MAD1L1: variants seen among roughly 807,000 people sequenced by gnomAD.
MAD1L1 encodes mitotic spindle assembly checkpoint protein MAD1.
Under a neutral mutation model 96.9 loss-of-function variants are expected in MAD1L1, and 95 were observed. The ratio of observed to expected loss-of-function variants is 0.98; its 90% CI spans 0.83 to 1.16. The LOEUF (loss-of-function observed/expected upper bound fraction) is 1.16, where lower values mean the gene tolerates loss of function less well. Ranked by LOEUF, MAD1L1 falls within the 50% of genes most tolerant of loss-of-function variation. The pLI is 0.00. For synonymous variants in MAD1L1, 473 were observed against 396.6 expected, an observed-to-expected ratio of 1.19 and a Z score of -2.29; for missense variants, 1,007 against 954.4, an observed-to-expected ratio of 1.06 and a Z score of -0.73.
chr7:1,894,260 G>A (rs1258132220), intron 18 of MAD1L1, among the ~76,000 whole-genome samples: 4 of 152,226 alleles, frequency 2.6e-5, no homozygotes, highest in Non-Finnish European at 4.4e-5. Context: ...GGAGGCCAAC[G>A]GCCTCACCCA....
chr7:2,225,372 G>A (rs770039205), intron 4 of MAD1L1, 38 bp downstream of exon 4: 11 of 1,610,806 alleles, frequency 6.8e-6, no homozygotes, highest in Non-Finnish European at 8.5e-6. Flanking sequence ...TTGCTTCCTG[G>A]GGCTGTCTGG....
At chr7:1,868,904 C>T (rs1043210944) in intron 18 of MAD1L1, among the ~76,000 whole-genome samples, 2 of 152,338 alleles carry the variant, frequency 1.3e-5, no homozygotes, top group African/African-American at 2.4e-5. Flanking sequence ...CTTCCCCACA[C>T]GGACGAAGCT....
intron 10 of MAD1L1, among the ~76,000 whole-genome samples, chr7:2,162,438 A>G (rs1363883567): frequency 6.6e-6 from 1 of 152,210 alleles, no homozygotes; most frequent in Non-Finnish European, 1.5e-5. Context: ...GTACCCAGGG[A>G]CACAAACACT....
chr7:2,112,022 C>T (rs1787408046), intron 11 of MAD1L1, among the ~76,000 whole-genome samples: 1 of 152,202 alleles, frequency 6.6e-6, no homozygotes, highest in South Asian at 2.1e-4. Context: ...AACCAGTGAA[C>T]GAATAAACAA....
intron 12 of MAD1L1, among the ~76,000 whole-genome samples, chr7:2,037,993 C>T (rs1160872427): frequency 1.3e-5 from 2 of 152,176 alleles, no homozygotes; most frequent in African/African-American, 4.8e-5. Context: ...AACAGCTCGC[C>T]AAGTTGTGAA....
At chr7:2,133,864 T>C (rs945134814) in intron 11 of MAD1L1, among the ~76,000 whole-genome samples, 2 of 152,220 alleles carry the variant, frequency 1.3e-5, no homozygotes, top group African/African-American at 4.8e-5. Flanking sequence ...TGGGTCTATC[T>C]CGTGGCTCTC....
chr7:1,975,139 T>C (rs1403686048), intron 15 of MAD1L1, among the ~76,000 whole-genome samples: 1 of 152,210 alleles, frequency 6.6e-6, no homozygotes, highest in African/African-American at 2.4e-5. Flanking sequence ...CTTCACCCTG[T>C]TGACCTGGCT....
At position 2,125,724 on chromosome 7, in the gene MAD1L1, G is replaced by T. The variant is rs116270107; in HGVS notation, c.1073+23428C>A. 8.9e-3 allele frequency among the ~76,000 whole-genome samples: 1,362 copies of T among 152,340 alleles called. 23 individuals carry two copies. Among genetic ancestry groups the T allele is most frequent in the African/African-American group, 0.031 (1,277 of 41,582 alleles). The stretch of plus-strand genomic sequence containing the variant: ...AAGCAGCACGAGTGCTCCAGAAACT[G>T]CAGCTCAGACTGAGCTCCCACCTCC... On this transcript the variant is annotated intron_variant, in intron 11 of 18. Coordinates refer to ENST00000265854, the MANE Select transcript of MAD1L1 (RefSeq NM_001013836.2).
At chr7:2,028,618 A>T (rs1190733519) in intron 12 of MAD1L1, among the ~76,000 whole-genome samples, 2 of 152,188 alleles carry the variant, frequency 1.3e-5, no homozygotes, top group East Asian at 3.9e-4. Context: ...AGGTAGAGCC[A>T]GGGCAGCCCT....
At chr7:2,176,591 A>T (rs1790958451) in intron 10 of MAD1L1, among the ~76,000 whole-genome samples, 1 of 152,080 alleles carries the variant, frequency 6.6e-6, no homozygotes, top group Non-Finnish European at 1.5e-5. Flanking sequence ...AAAAAAAAAA[A>T]TTTACTGGCA....
At chr7:2,140,110 T>G (rs1331867064) in intron 11 of MAD1L1, among the ~76,000 whole-genome samples, 5 of 151,934 alleles carry the variant, frequency 3.3e-5, no homozygotes, top group Middle Eastern at 3.2e-3. Flanking sequence ...TGACCTGTGC[T>G]TGGCTCAAGA....
intron 17 of MAD1L1, among the ~76,000 whole-genome samples, chr7:1,934,843 G>T (rs746522656): frequency 6.7e-6 from 1 of 150,252 alleles, no homozygotes; most frequent in Non-Finnish European, 1.5e-5. Flanking sequence ...ACCCGAGACA[G>T]GCAGAGACCC....
intron 17 of MAD1L1, among the ~76,000 whole-genome samples, chr7:1,923,486 G>GGGCAACCCCGCGCTCTTCCACCCCGGCAC (rs1562527703): frequency 1.3e-5 from 2 of 150,234 alleles, no homozygotes; most frequent in Non-Finnish European, 3.0e-5. Flanking sequence ...CGCCCCGGCA[G>GGGCAACCCCGCGCTCTTCCACCCCGGCAC]CCGGGCAACC....
At chr7:1,819,927 A>G (rs1782037851) in intron 18 of MAD1L1, among the ~76,000 whole-genome samples, 1 of 152,148 alleles carries the variant, frequency 6.6e-6, no homozygotes, top group Non-Finnish European at 1.5e-5. Context: ...GGAGGAAGCT[A>G]GAGATGGAAT....
chr7:2,207,043 A>C (rs1402670386), intron 10 of MAD1L1, among the ~76,000 whole-genome samples: 1 of 149,734 alleles, frequency 6.7e-6, no homozygotes, highest in Admixed American at 6.8e-5. Flanking sequence ...GCACCATTGC[A>C]CTCCAGCCTG....
chr7:1,818,875 A>G (rs1781975431), intron 18 of MAD1L1, among the ~76,000 whole-genome samples: 2 of 149,576 alleles, frequency 1.3e-5, no homozygotes, highest in Admixed American at 6.6e-5. Flanking sequence ...GTGGGGGTGG[A>G]CGGAGACAGG....
In MAD1L1 at chr7:2,079,705, C is replaced by T. The variant is rs537546588; in HGVS notation, c.1074-10367G>A. 668 of 471,006 alleles carry T rather than the reference C, an allele frequency of 1.4e-3. 6 individuals carry two copies. The highest frequency in any genetic ancestry group is 1.1e-4 in the Non-Finnish European group (24 of 227,060). 29.2% of individuals were successfully genotyped at this position (471,006 alleles called of 1,614,324 possible). A position where few individuals can be genotyped will look rare whatever the true frequency, so the allele number is the denominator to read the frequency against. On this transcript the variant is annotated intron_variant, in intron 11 of 18. Transcript: ENST00000265854. ...AGCTGATCAGCTACCAACCTGTAAT[C>T]GCCTGGGCAGGGCTCCTCCAAATGC...
At chr7:1,828,972 G>A (rs1245516753) in intron 18 of MAD1L1, among the ~76,000 whole-genome samples, 2 of 152,174 alleles carry the variant, frequency 1.3e-5, no homozygotes, top group Admixed American at 1.3e-4. Flanking sequence ...GGCGAAAACA[G>A]GATCAGTGAA....
intron 12 of MAD1L1, among the ~76,000 whole-genome samples, chr7:2,034,678 G>A (rs541983696): frequency 2.6e-5 from 4 of 152,196 alleles, no homozygotes; most frequent in South Asian, 2.1e-4. Flanking sequence ...CCCCACACTC[G>A]GCTGCCTCCA....
Sources: gnomAD v4.1 joint callset for allele counts (sites outside exome capture counted in the v4.1 genomes callset) on GRCh38, gnomAD v4.1.1 for gene constraint, MANE v1.5 for transcripts, NCBI Gene and HGNC (gene_info 2026-07-23, HGNC 2026-07-21) for gene names.